Variants in GREB1 observed in about 807,000 individuals in gnomAD.
GREB1 encodes protein GREB1.
In GREB1, 106 loss-of-function variants were observed where a neutral mutation model predicts 200.7. The observed-to-expected ratio is 0.53, with a 90% CI of 0.45 to 0.62. The LOEUF is 0.62. GREB1 is among the 20% of genes least tolerant of loss of function. GREB1 has a pLI of 0.00. For missense variants in GREB1, 2,243 were observed against 2,556.8 expected, an observed-to-expected ratio of 0.88 and a Z score of 2.65; for synonymous variants, 1,132 against 1,092.4, an observed-to-expected ratio of 1.04 and a Z score of -0.72.
intron 1 of GREB1, among the ~76,000 whole-genome samples, chr2:11,540,314 A>G (rs73189385): frequency 0.029 from 4,406 of 152,218 alleles, 203 homozygotes; most frequent in African/African-American, 0.1. Flanking sequence ...ATGATATCCA[A>G]AGGGATTGCA....
rs2148219807 is a variant in GREB1 at position 11,597,636 on chromosome 2, A to G, written c.1955-145A>G. On this transcript the variant is annotated intron_variant, in intron 13 of 32. Transcript: ENST00000381486. This position sits in a 1 kb window ranked among gnomAD's most constrained non-coding sequence, Gnocchi z 4.1. Reference sequence around the variant, plus strand: ...CTGCTTAGCTGAGAGCAGGGACTTGATAAACGTGAGTTATTCCCCTTTCCC... The same window carrying G: ...CTGCTTAGCTGAGAGCAGGGACTTGGTAAACGTGAGTTATTCCCCTTTCCC... The G allele has an allele frequency of 1.4e-6, 1 of 698,014 alleles. No homozygotes were observed. Among genetic ancestry groups the G allele is most frequent in the Non-Finnish European group, 2.5e-6 (1 of 395,804 alleles). The allele number at this position is 698,014 out of a possible 1,614,324, so 43.2% of individuals were successfully genotyped here. A position where few individuals can be genotyped will look rare whatever the true frequency, so the allele number is the denominator to read the frequency against.
intron 10 of GREB1, chr2:11,591,275 A>G (rs926940547): frequency 1.5e-6 from 1 of 680,652 alleles, no homozygotes; most frequent in African/African-American, 1.8e-5. Flanking sequence ...AGCAGGTGTC[A>G]TGAACCCCGT....
intron 13 of GREB1, 139 bp downstream of exon 13, chr2:11,596,378 G>T: frequency 2.1e-6 from 1 of 473,180 alleles, no homozygotes; most frequent in Non-Finnish European, 3.7e-6. Context: ...GCACAGATGT[G>T]TATAGTGAGG....
chr2:11,542,773 T>TCTCCTCTGG (rs920395009), intron 1 of GREB1: 1 of 152,576 alleles, frequency 6.6e-6, no homozygotes, highest in African/African-American at 2.4e-5. Flanking sequence ...TAGGAAGGGC[T>TCTCCTCTGG]CTCCTCTGGC....
chr2:11,629,885 G>A lies in GREB1; in HGVS notation c.4450-63G>A. ...CACGTTGTCACAGCAGAGTGGGCCT[G>A]GGGTCTTCTGGGAAGCAGGCCGGAC... On this transcript the variant is annotated intron_variant, in intron 25 of 32. Coordinates refer to ENST00000381486, the MANE Select transcript of GREB1 (RefSeq NM_014668.4). This position sits in a 1 kb window ranked among gnomAD's most constrained non-coding sequence, Gnocchi z 5.2. The A allele has an allele frequency of 6.5e-7, 1 of 1,532,518 alleles. No homozygotes were observed. The highest frequency in any genetic ancestry group is 2.3e-5 in the East Asian group (1 of 44,352). 94.9% of individuals were successfully genotyped at this position (1,532,518 alleles called of 1,614,324 possible).
rs775516239 is a variant in GREB1 at position 11,635,327 on chromosome 2, C to G, written c.5268C>G (p.Leu1756=). 2 of 1,614,192 alleles carry G rather than the reference C, an allele frequency of 1.2e-6. No individual in the cohort carries two copies. Among genetic ancestry groups the G allele is most frequent in the East Asian group, 4.5e-5 (2 of 44,890 alleles). Residue 1756 remains leucine (L), a synonymous_variant, in exon 30 of 33, where the codon CTC becomes CTG. Coordinates refer to ENST00000381486, the MANE Select transcript of GREB1 (RefSeq NM_014668.4). ...GGGTGCACAGCGCCGGCCTCCTGCT[C>G]TGCCGGTTCAACCGCTTCAGCGTGA... ...NLRVHSAGLL[L]CRFNRFSVMK...
intron 1 of GREB1, among the ~76,000 whole-genome samples, chr2:11,491,556 A>G (rs1443674283): frequency 6.6e-6 from 1 of 152,224 alleles, no homozygotes; most frequent in East Asian, 1.9e-4. Context: ...GATTAGAAGC[A>G]TGTTTTGTCT....
chr2:11,569,194 A>G (rs753805030), intron 4 of GREB1, among the ~76,000 whole-genome samples: 3 of 152,238 alleles, frequency 2.0e-5, no homozygotes, highest in African/African-American at 4.8e-5. Context: ...AAAGGAAAAC[A>G]TATTCCGCTA....
In GREB1 at chr2:11,580,893, G is replaced by C. The variant is rs778928025; in HGVS notation, c.901+61G>C. 2.7e-4 allele frequency: 441 copies of C among 1,605,984 alleles called. No homozygotes were observed. Among genetic ancestry groups the C allele is most frequent in the Non-Finnish European group, 3.3e-4 (393 of 1,173,480 alleles). On this transcript the variant is annotated intron_variant, in intron 7 of 32. Transcript: ENST00000381486. The surrounding 1 kb of genome is among the most constrained non-coding windows in gnomAD (Gnocchi z 4.5). ...GCTCTTCTTTGGGCCAAGGCCAGAG[G>C]GGGCATGGGAGCTGCTGGGCTGGGG...
chr2:11,593,721 G>T (rs1439965219), intron 11 of GREB1, among the ~76,000 whole-genome samples: 1 of 151,952 alleles, frequency 6.6e-6, no homozygotes, highest in Non-Finnish European at 1.5e-5. Flanking sequence ...CACCTGCCTA[G>T]GCCTCCCAAA....
At chr2:11,614,319 G>A (rs1356336480) in intron 19 of GREB1, among the ~76,000 whole-genome samples, 1 of 151,902 alleles carries the variant, frequency 6.6e-6, no homozygotes, top group African/African-American at 2.4e-5. Flanking sequence ...TAGAGATGGG[G>A]TTTTGCCATG....
intron 28 of GREB1, 23 bp from the exon 29 acceptor site, chr2:11,634,108 C>T (rs1685115291): frequency 6.2e-7 from 1 of 1,602,408 alleles, no homozygotes; most frequent in South Asian, 1.1e-5. Context: ...AGCCTAGGGA[C>T]TCACTCTCCC....
At chr2:11,551,233 G>A (rs1478531487) in intron 1 of GREB1, among the ~76,000 whole-genome samples, 1 of 152,210 alleles carries the variant, frequency 6.6e-6, no homozygotes, top group East Asian at 1.9e-4. Flanking sequence ...GTTTGAGGTT[G>A]ATATGGTGAA....
chr2:11,593,137 G>C lies in GREB1; in HGVS notation c.1696+11G>C, dbSNP rs1295991977. The C allele has an allele frequency of 6.4e-7, 1 of 1,552,944 alleles. No homozygotes were observed. Among genetic ancestry groups the C allele is most frequent in the Non-Finnish European group, 8.8e-7 (1 of 1,142,020 alleles). ...GCATCGCCGTCACCGGTGAGCTCTG[G>C]GCCGCGCGGCTGCGGGAAAGCCCCC... On this transcript the variant is annotated intron_variant, in intron 11 of 32. Transcript: ENST00000381486.
intron 9 of GREB1, chr2:11,588,012 G>A (rs936601833): frequency 4.6e-6 from 4 of 863,484 alleles, no homozygotes; most frequent in African/African-American, 1.8e-5. Flanking sequence ...GATCACTTTA[G>A]GTCAGAAGTT....
intron 2 of GREB1, among the ~76,000 whole-genome samples, chr2:11,560,755 AG>A (rs1347460091): frequency 1.3e-5 from 2 of 152,152 alleles, no homozygotes; most frequent in African/African-American, 4.8e-5. Flanking sequence ...AGTGTGTTTA[AG>A]GATGTTCATA....
rs539158955 is a variant in GREB1, at chr2:11,598,388, C to T, written c.2153-292C>T. 4.6e-5 allele frequency among the ~76,000 whole-genome samples: 7 copies of T among 152,366 alleles called. No individual in the cohort carries two copies. In the South Asian group the frequency reaches 1.2e-3, roughly 27 times the overall value. On this transcript the variant is annotated intron_variant, in intron 14 of 32. Coordinates refer to ENST00000381486, the MANE Select transcript of GREB1 (RefSeq NM_014668.4). ...AGAGGGATTTTGCTGCTGGCAGGAC[C>T]TTTCGGTTCCCTCTGTCTTACCATG...
At position 11,633,741 on chromosome 2, in the gene GREB1, C is replaced by T. The variant is rs1056291334; in HGVS notation, c.4992-390C>T. ...TTAAGAAAGGGACATTGCTGCCCCC[C>T]CAGAAACTCCCTTCCTGCTGCCCCA... On this transcript the variant is annotated intron_variant, in intron 28 of 32. Coordinates refer to ENST00000381486, the MANE Select transcript of GREB1 (RefSeq NM_014668.4). The surrounding 1 kb of genome is among the most constrained non-coding windows in gnomAD (Gnocchi z 4.1). Among the ~76,000 whole-genome samples, 4 of 152,124 alleles carry T rather than the reference C, an allele frequency of 2.6e-5. No individual in the cohort carries two copies. Among genetic ancestry groups the T allele is most frequent in the African/African-American group, 9.7e-5 (4 of 41,426 alleles).
upstream of GREB1, among the ~76,000 whole-genome samples, chr2:11,530,287 C>G (rs1384757436): frequency 6.6e-6 from 1 of 151,978 alleles, no homozygotes; most frequent in Admixed American, 6.5e-5. Flanking sequence ...GTCTCCAACT[C>G]CTGGCCTCAA....
Sources: gnomAD v4.1 joint callset for allele counts (sites outside exome capture counted in the v4.1 genomes callset) on GRCh38, gnomAD v4.1.1 for gene constraint, Gnocchi (gnomAD v3.1) non-coding constraint, MANE v1.5 for transcripts, NCBI Gene and HGNC (gene_info 2026-07-23, HGNC 2026-07-21) for gene names.